ARHGEF10L: variants seen among roughly 807,000 people sequenced by gnomAD.
ARHGEF10L encodes Rho guanine nucleotide exchange factor 10 like.
A neutral mutation model predicts 141.2 loss-of-function variants in ARHGEF10L; 69 were observed. The ratio of observed to expected loss-of-function variants is 0.49; its 90% CI spans 0.40 to 0.60. The LOEUF is 0.60. Among genes scored for constraint, ARHGEF10L ranks in the 20% least tolerant of loss-of-function variants. The probability of loss-of-function intolerance (pLI) is 0.00; values close to 1 mark genes in which losing one functional copy is unlikely to be tolerated. For missense variants in ARHGEF10L, 1,482 were observed against 1,734.3 expected (o/e 0.85, Z 2.58); for synonymous variants, 711 against 718.5 (o/e 0.99, Z 0.17).
intron 15 of ARHGEF10L, among the ~76,000 whole-genome samples, chr1:17,630,014 C>A (rs1173103517): frequency 6.6e-6 from 1 of 152,188 alleles, no homozygotes; most frequent in African/African-American, 2.4e-5. Context: ...GGGCAAAGGA[C>A]TAGAGGCTCT....
chr1:17,581,588 C>T (rs1234648328), intron 2 of ARHGEF10L, among the ~76,000 whole-genome samples: 4 of 151,978 alleles, frequency 2.6e-5, no homozygotes, highest in Non-Finnish European at 4.4e-5. Context: ...TGTCCTCAGC[C>T]CCATCTGAGT....
chr1:17,641,962 T>C (rs961528070), intron 21 of ARHGEF10L, among the ~76,000 whole-genome samples: 7 of 144,828 alleles, frequency 4.8e-5, no homozygotes, highest in Admixed American at 4.3e-4. Context: ...GCCTGAGTGA[T>C]AGAGTGAGAC....
intron 1 of ARHGEF10L, among the ~76,000 whole-genome samples, chr1:17,571,402 T>C (rs538572581): frequency 6.6e-6 from 1 of 151,980 alleles, no homozygotes; most frequent in East Asian, 1.9e-4. Flanking sequence ...CAGCACAGAA[T>C]AGGAGACAGG....
chr1:17,570,898 G>T (rs982237394), intron 1 of ARHGEF10L, among the ~76,000 whole-genome samples: 14 of 152,140 alleles, frequency 9.2e-5, no homozygotes, highest in African/African-American at 3.1e-4. Flanking sequence ...GGCCTTAGCA[G>T]CTGGTGGGAT....
chr1:17,695,318 G>A, intron 28 of ARHGEF10L, 38 bp downstream of exon 28: 1 of 1,542,076 alleles, frequency 6.5e-7, no homozygotes. Flanking sequence ...GGACCAGGGG[G>A]TCAGCTGCAG....
chr1:17,629,094 C>G (rs2060537432), intron 15 of ARHGEF10L, among the ~76,000 whole-genome samples: 1 of 152,104 alleles, frequency 6.6e-6, no homozygotes, highest in African/African-American at 2.4e-5. Context: ...AATAACGGCT[C>G]ACTGCAGCCT....
intron 1 of ARHGEF10L, among the ~76,000 whole-genome samples, chr1:17,565,285 C>T (rs116768586): frequency 0.013 from 1,915 of 152,282 alleles, 50 homozygotes; most frequent in African/African-American, 0.044. Flanking sequence ...GTGAGGTTTC[C>T]GCATAGGAAT....
In ARHGEF10L at chr1:17,654,804, G is replaced by A; in HGVS notation, c.2481+82G>A. 1 of 1,274,256 alleles carries A rather than the reference G, an allele frequency of 7.8e-7. No individual in the cohort carries two copies. Among genetic ancestry groups the A allele is most frequent in the Admixed American group, 1.7e-5 (1 of 59,368 alleles). The allele number at this position is 1,274,256 out of a possible 1,614,324, so 78.9% of individuals were successfully genotyped here. ...GCGGCACCTGGGAGGGGGTGCTGGA[G>A]ACAGCAGCTGCCTGCCTCATCTCAT... On this transcript the variant is annotated intron_variant, in intron 23 of 28. Coordinates refer to ENST00000361221, the MANE Select transcript of ARHGEF10L (RefSeq NM_018125.4). This position sits in a 1 kb window ranked among gnomAD's most constrained non-coding sequence, Gnocchi z 4.3.
At chr1:17,537,809 G>T (rs938166030), upstream of ARHGEF10L, among the ~76,000 whole-genome samples, 5 of 141,104 alleles carry the variant, frequency 3.5e-5, no homozygotes, top group African/African-American at 1.3e-4. Flanking sequence ...TTGAGCCCAG[G>T]AGTTCAAGAC....
chr1:17,666,924 G>C (rs1266749869), intron 26 of ARHGEF10L, among the ~76,000 whole-genome samples: 1 of 151,676 alleles, frequency 6.6e-6, no homozygotes, highest in African/African-American at 2.4e-5. Flanking sequence ...TGAGAGGAAG[G>C]TGAGCGAGGA....
chr1:17,660,582 G>A (rs1384183193), intron 25 of ARHGEF10L, among the ~76,000 whole-genome samples: 2 of 152,208 alleles, frequency 1.3e-5, no homozygotes, highest in African/African-American at 2.4e-5. Context: ...CAGCCGTGAT[G>A]ACTTTCACTC....
chr1:17,691,706 T>C (rs1029827344), intron 27 of ARHGEF10L, among the ~76,000 whole-genome samples: 2 of 148,948 alleles, frequency 1.3e-5, no homozygotes, highest in Non-Finnish European at 2.9e-5. Flanking sequence ...ATATTATATG[T>C]ATATATATAT....
intron 26 of ARHGEF10L, among the ~76,000 whole-genome samples, chr1:17,672,498 C>T (rs1244457118): frequency 6.6e-6 from 1 of 152,188 alleles, no homozygotes; most frequent in Non-Finnish European, 1.5e-5. Flanking sequence ...GTGTCTGGGC[C>T]ACTGCCAGAG....
chr1:17,525,738 C>A, the ARHGEF10L span, among the ~76,000 whole-genome samples: 1 of 151,994 alleles, frequency 6.6e-6, no homozygotes, highest in African/African-American at 2.4e-5. Context: ...TGCTGTGGCT[C>A]ATGACTGTAA....
chr1:17,607,755 G>T lies in ARHGEF10L; in HGVS notation c.434-47G>T. ...TGGGTCTGAGGCTGGAAGTCTGGTAGGCTTGGCCTCAGGGCCTGGGCTCAC... is the reference window on the plus strand; with the variant it reads ...TGGGTCTGAGGCTGGAAGTCTGGTATGCTTGGCCTCAGGGCCTGGGCTCAC... On this transcript the variant is annotated intron_variant, in intron 6 of 28. Coordinates refer to ENST00000361221, the MANE Select transcript of ARHGEF10L (RefSeq NM_018125.4). This position sits in a 1 kb window ranked among gnomAD's most constrained non-coding sequence, Gnocchi z 4.5. The T allele has an allele frequency of 6.8e-7, 1 of 1,460,966 alleles. No homozygotes were observed. The highest frequency in any genetic ancestry group is 9.0e-7 in the Non-Finnish European group (1 of 1,108,268). 90.5% of individuals were successfully genotyped at this position (1,460,966 alleles called of 1,614,324 possible).
intron 1 of ARHGEF10L, among the ~76,000 whole-genome samples, chr1:17,542,304 T>A (rs554228591): frequency 4.0e-4 from 61 of 150,924 alleles, no homozygotes; most frequent in African/African-American, 1.4e-3. Flanking sequence ...TAAAAATTAG[T>A]TGGATGTGCT....
rs749490209 is a variant in ARHGEF10L at position 17,627,518 on chromosome 1, CCACCTGCCTGCCCT to C, written c.1584+36_1584+49del. ...GCCTCAACAAGGTGAGCTGGGCCTC[CCACCTGCCTGCCCT>C]CACCTGCCTGCCCTCACCTGTGCTC... On this transcript the variant is annotated intron_variant, in intron 15 of 28. Transcript: ENST00000361221. The surrounding 1 kb of genome is among the most constrained non-coding windows in gnomAD (Gnocchi z 4.0). 3.5e-5 allele frequency: 57 copies of C among 1,609,502 alleles called. No homozygotes were observed. The highest frequency in any genetic ancestry group is 1.7e-4 in the African/African-American group (13 of 74,922).
intron 15 of ARHGEF10L, among the ~76,000 whole-genome samples, 186 bp from the exon 16 acceptor site, chr1:17,632,135 T>C (rs2060729407): frequency 6.6e-6 from 1 of 152,122 alleles, no homozygotes; most frequent in African/African-American, 2.4e-5. Flanking sequence ...GAGGCCCCGA[T>C]GTGTGGTCCT....
rs1490709573 is a variant in ARHGEF10L, at chr1:17,683,340, G to A, written c.3010-4233G>A. Among the ~76,000 whole-genome samples, 231 of 76,010 alleles carry A rather than the reference G, an allele frequency of 3.0e-3. 14 individuals are homozygous for A. Among genetic ancestry groups the A allele is most frequent in the Admixed American group, 4.1e-3 (29 of 7,134 alleles). 49.9% of individuals were successfully genotyped at this position (76,010 alleles called of 152,430 possible). A position where few individuals can be genotyped will look rare whatever the true frequency, so the allele number is the denominator to read the frequency against. ...GTGCTCACTGCCCCCTGCTCTCACC[G>A]GGGTGCTCACTGCCCCCTGCTCTCA... On this transcript the variant is annotated intron_variant, in intron 26 of 28. Coordinates refer to ENST00000361221, the MANE Select transcript of ARHGEF10L (RefSeq NM_018125.4).
Sources: allele counts gnomAD v4.1 joint callset (sites outside exome capture counted in the v4.1 genomes callset), GRCh38; gene constraint gnomAD v4.1.1; non-coding constraint Gnocchi (gnomAD v3.1); transcripts MANE v1.5; gene names NCBI Gene and HGNC (gene_info 2026-07-23, HGNC 2026-07-21).